Variants in MDGA2 observed in about 807,000 individuals in gnomAD.
MDGA2 encodes MAM domain containing glycosylphosphatidylinositol anchor 2.
In MDGA2, 40 loss-of-function variants were observed where a neutral mutation model predicts 117.8. That is an observed-to-expected ratio of 0.34 (90% CI 0.26 to 0.44). MDGA2 has a LOEUF of 0.44. Ranked by LOEUF, MDGA2 falls within the 20% of genes least tolerant of loss-of-function variation. MDGA2 has a pLI of 1.00. For synonymous variants in MDGA2, 452 were observed against 439.0 expected (o/e 1.03, Z -0.37); for missense variants, 1,123 against 1,250.6 (o/e 0.90, Z 1.54).
chr14:47,289,304 T>TACACACACACAC (rs3039467), intron 2 of MDGA2, among the ~76,000 whole-genome samples: 2,676 of 140,570 alleles, frequency 0.019, 51 homozygotes, highest in South Asian at 0.034. Context: ...TTTCTGGACT[T>TACACACACACAC]ACACACACAC....
chr14:46,848,638 G>C lies in MDGA2; in HGVS notation c.2884-2767C>G, dbSNP rs115526019. On this transcript the variant is annotated intron_variant, in intron 15 of 16. Transcript: ENST00000399232. ...GATCAAAATCAAAAGATTGGACCTA[G>C]GCTTGTGCTAAAAAAAAAAAAAAAA... 4.7e-3 allele frequency among the ~76,000 whole-genome samples: 684 copies of C among 145,966 alleles called. 2 individuals are homozygous for C. The highest frequency in any genetic ancestry group is 0.016 in the African/African-American group (640 of 40,238).
Position 47,063,640 on chromosome 14 carries a change from C to T in MDGA2, c.1196-2062G>A, listed in dbSNP as rs942382215. On this transcript the variant is annotated intron_variant, in intron 6 of 16. Coordinates refer to ENST00000399232, the MANE Select transcript of MDGA2 (RefSeq NM_001113498.3). ...TGTCAAGAGCATTTACTTTTATTAGCACCATAACAGTTAAATGAGAGTTTC... is the reference window on the plus strand; with the variant it reads ...TGTCAAGAGCATTTACTTTTATTAGTACCATAACAGTTAAATGAGAGTTTC... Among the ~76,000 whole-genome samples the T allele has an allele frequency of 2.0e-5, 3 of 151,900 alleles. No individual in the cohort carries two copies. In the East Asian group the frequency reaches 5.8e-4, roughly 29 times the overall value.
intron 1 of MDGA2, among the ~76,000 whole-genome samples, chr14:47,531,472 T>A (rs1158150189): frequency 6.6e-6 from 1 of 152,196 alleles, no homozygotes; most frequent in Non-Finnish European, 1.5e-5. Flanking sequence ...TTTGACCTAT[T>A]TTAGGCAGCC....
intron 8 of MDGA2, 86 bp from the exon 9 acceptor site, chr14:46,957,729 T>A: frequency 7.0e-7 from 1 of 1,421,600 alleles, no homozygotes; most frequent in Non-Finnish European, 9.7e-7. Flanking sequence ...CCATTTGCAG[T>A]AACACATGCA....
At chr14:47,292,047 T>G (rs1177376345) in intron 2 of MDGA2, among the ~76,000 whole-genome samples, 4 of 152,212 alleles carry the variant, frequency 2.6e-5, no homozygotes, top group Admixed American at 2.6e-4. Context: ...GGGTGTGATT[T>G]TGTTCCAGTG....
chr14:46,865,342 G>A (rs939413811), intron 14 of MDGA2, among the ~76,000 whole-genome samples: 4 of 151,896 alleles, frequency 2.6e-5, no homozygotes, highest in Non-Finnish European at 4.4e-5. Flanking sequence ...ATTCAACAAC[G>A]CTTCATGCTA....
intron 1 of MDGA2, among the ~76,000 whole-genome samples, chr14:47,358,603 G>T (rs1316873294): frequency 2.0e-5 from 3 of 152,160 alleles, no homozygotes; most frequent in African/African-American, 7.2e-5. Context: ...GAATTAATGA[G>T]TTCAGTCAAG....
chr14:47,507,157 A>G (rs978057746), intron 1 of MDGA2, among the ~76,000 whole-genome samples: 22 of 152,160 alleles, frequency 1.4e-4, no homozygotes, highest in African/African-American at 5.3e-4. Context: ...ATGAAAATAT[A>G]AAAGAGAACA....
chr14:47,550,865 C>T (rs916803206), intron 1 of MDGA2, among the ~76,000 whole-genome samples: 1 of 152,230 alleles, frequency 6.6e-6, no homozygotes, highest in Admixed American at 6.5e-5. Flanking sequence ...CACAGGAAAA[C>T]ACTCCCTTGT....
intron 8 of MDGA2, among the ~76,000 whole-genome samples, chr14:47,003,763 G>T (rs186060347): frequency 2.0e-5 from 3 of 151,992 alleles, no homozygotes; most frequent in East Asian, 3.9e-4. Context: ...AACAGCAGAA[G>T]TTTATGGCAT....
intron 8 of MDGA2, among the ~76,000 whole-genome samples, chr14:47,025,737 C>T (rs1222301460): frequency 1.3e-5 from 2 of 151,498 alleles, no homozygotes; most frequent in Non-Finnish European, 2.9e-5. Flanking sequence ...ATATTTTGGG[C>T]AAGAAAACTG....
At chr14:47,611,634 G>A (rs538989654) in intron 1 of MDGA2, among the ~76,000 whole-genome samples, 1 of 152,206 alleles carries the variant, frequency 6.6e-6, no homozygotes, top group African/African-American at 2.4e-5. Flanking sequence ...CCAGGGAAAT[G>A]CCAATCAAAA....
At chr14:47,145,726 C>T (rs1882916560) in intron 3 of MDGA2, among the ~76,000 whole-genome samples, 1 of 151,990 alleles carries the variant, frequency 6.6e-6, no homozygotes, top group African/African-American at 2.4e-5. Flanking sequence ...TGAGATAGTC[C>T]ATAAAGCCCT....
At chr14:47,214,181 TG>T (rs977630080) in intron 3 of MDGA2, among the ~76,000 whole-genome samples, 30 of 152,036 alleles carry the variant, frequency 2.0e-4, no homozygotes, top group African/African-American at 7.2e-4. Flanking sequence ...TGTGTGGGCA[TG>T]GGGGAAACTA....
At chr14:46,946,153 C>T (rs1011173328) in intron 9 of MDGA2, among the ~76,000 whole-genome samples, 1 of 151,962 alleles carries the variant, frequency 6.6e-6, no homozygotes, top group African/African-American at 2.4e-5. Flanking sequence ...GGTATGAGAT[C>T]TAAACTTCTA....
chr14:47,163,611 A>C lies in MDGA2; in HGVS notation c.596-19337T>G, dbSNP rs139351076. ...CCCAGCCACATGGAACTGTAAGTCC[A>C]ATAAACCTCCGTCTTTTGTAAATTG... On this transcript the variant is annotated intron_variant, in intron 3 of 16. Transcript: ENST00000399232. 3.6e-3 allele frequency among the ~76,000 whole-genome samples: 546 copies of C among 152,314 alleles called. 3 individuals carry two copies. Among genetic ancestry groups the C allele is most frequent in the African/African-American group, 0.013 (520 of 41,570 alleles).
intron 1 of MDGA2, among the ~76,000 whole-genome samples, chr14:47,416,257 A>G (rs1892473684): frequency 6.6e-6 from 1 of 151,878 alleles, no homozygotes; most frequent in Non-Finnish European, 1.5e-5. Context: ...ATGATACAAC[A>G]GTGAAACAGG....
rs1898152843 is a variant in MDGA2, at chr14:47,674,954, T to C, written c.-158A>G. 4.2e-6 allele frequency: 2 copies of C among 471,736 alleles called. No individual in the cohort carries two copies. The highest frequency in any genetic ancestry group is 7.4e-6 in the Non-Finnish European group (2 of 271,674). The allele number at this position is 471,736 out of a possible 1,614,324, so 29.2% of individuals were successfully genotyped here. A position where few individuals can be genotyped will look rare whatever the true frequency, so the allele number is the denominator to read the frequency against. On this transcript the variant is annotated 5_prime_UTR_variant, in exon 1 of 17. Coordinates refer to ENST00000399232, the MANE Select transcript of MDGA2 (RefSeq NM_001113498.3). ...TGGGAAGGGGAGCTGCGAGGCGAAG[T>C]GTTCTTCAGGGAAGCGGGCTCGAGT... is the stretch of plus-strand genomic sequence containing the variant.
intron 7 of MDGA2, among the ~76,000 whole-genome samples, chr14:47,055,424 A>T (rs1889639649): frequency 6.6e-6 from 1 of 152,036 alleles, no homozygotes; most frequent in Non-Finnish European, 1.5e-5. Context: ...TCCAGCTCAG[A>T]TGCTACCTGC....
Sources: gnomAD v4.1 joint callset for allele counts (sites outside exome capture counted in the v4.1 genomes callset) on GRCh38, gnomAD v4.1.1 for gene constraint, MANE v1.5 for transcripts, NCBI Gene and HGNC (gene_info 2026-07-23, HGNC 2026-07-21) for gene names.